Variants in BRAF observed in about 807,000 individuals in gnomAD.
BRAF encodes serine/threonine-protein kinase B-raf.
A neutral mutation model predicts 104.6 loss-of-function variants in BRAF; 16 were observed. The ratio of observed to expected loss-of-function variants is 0.15; its 90% confidence interval spans 0.10 to 0.23. The LOEUF is 0.23. Ranked by LOEUF, BRAF falls within the 10% of genes least tolerant of loss-of-function variation. The pLI, the probability that BRAF is intolerant of heterozygous loss-of-function variation, is 1.00. For synonymous variants in BRAF, 310 were observed against 341.6 expected (o/e 0.91, Z 1.02); for missense variants, 541 against 937.3 (o/e 0.58, Z 5.52).
intron 1 of BRAF, among the ~76,000 whole-genome samples, chr7:140,901,421 A>G (rs537373594): frequency 5.3e-5 from 8 of 152,300 alleles, no homozygotes; most frequent in African/African-American, 1.9e-4. Flanking sequence ...GCCGAGTGGA[A>G]AAAGGAATTA....
In BRAF at chr7:140,726,451, C is replaced by T. The variant is rs1036699230; in HGVS notation, c.*43G>A. ...TTTTGATGTTAACAAATTGTACGAA[C>T]ACAAGACTTAAGAAATAAGAGCAGA... On this transcript the variant is annotated 3_prime_UTR_variant, in exon 20 of 20. Coordinates refer to ENST00000644969, the MANE Select transcript of BRAF (RefSeq NM_001374258.1). 67 of 1,535,180 alleles carry T rather than the reference C, an allele frequency of 4.4e-5. No individual in the cohort carries two copies. Among genetic ancestry groups the T allele is most frequent in the Non-Finnish European group, 5.8e-5 (66 of 1,146,724 alleles).
rs1390903353 is a variant in BRAF, at chr7:140,924,594, G to A, written c.110C>T (p.Ser37Leu). 6.5e-7 allele frequency: 1 copy of A among 1,529,608 alleles called. No homozygotes were observed. Among genetic ancestry groups the A allele is most frequent in the East Asian group, 2.5e-5 (1 of 40,604 alleles). 94.8% of individuals were successfully genotyped at this position (1,529,608 alleles called of 1,614,324 possible). The change falls in exon 1 of 20, where the codon TCG (serine) becomes TTG (leucine). Residue 37 changes from serine (S) to leucine (L), a missense_variant. Ser to Leu is a moderately radical substitution (Grantham distance 145, BLOSUM62 -2). Transcript: ENST00000644969. This position sits in a 1 kb window ranked among gnomAD's most constrained non-coding sequence, Gnocchi z 4.2. The part of the protein sequence containing the change: ...AGAGAGAAAS[S>L]AADPAIPEEV... Reference sequence around the variant, plus strand: ...CTCCGGAATGGCAGGGTCCGCAGCCGAAGAGGCCGCGGCGCCGGCGCCGGC... The same window carrying A: ...CTCCGGAATGGCAGGGTCCGCAGCCAAAGAGGCCGCGGCGCCGGCGCCGGC...
intron 1 of BRAF, among the ~76,000 whole-genome samples, chr7:140,922,718 C>A (rs1371435479): frequency 2.0e-5 from 3 of 152,068 alleles, no homozygotes; most frequent in Non-Finnish European, 4.4e-5. Context: ...AGATGTGACC[C>A]CTAGTATTTA....
In BRAF at chr7:140,794,380, T is replaced by C. The variant is rs143335467; in HGVS notation, c.1068A>G (p.Gln356=). 1.4e-4 allele frequency: 225 copies of C among 1,614,110 alleles called. 2 individuals are homozygous for C. In the South Asian group the frequency reaches 1.6e-3, roughly 11 times the overall value. Residue 356 remains glutamine, a synonymous_variant, in exon 8 of 20, where the codon CAA becomes CAG. Transcript: ENST00000644969. ...ATGAGGATCGGTCTCGTTGCCCAAA[T>C]TGATTTCGATGATCTTCATCTGCTG... ...FRPADEDHRN[Q]FGQRDRSSSA... is the part of the protein sequence containing the mutation.
intron 1 of BRAF, among the ~76,000 whole-genome samples, chr7:140,865,609 T>C (rs186464466): frequency 2.3e-4 from 35 of 152,182 alleles, no homozygotes; most frequent in Non-Finnish European, 4.3e-4. Context: ...TGACCCTGAA[T>C]TATGTGGACT....
intron 8 of BRAF, among the ~76,000 whole-genome samples, chr7:140,788,356 TTCTC>T (rs1801607744): frequency 6.6e-6 from 1 of 152,066 alleles, no homozygotes; most frequent in African/African-American, 2.4e-5. Context: ...AAATAATTAT[TTCTC>T]TATTATAGGC....
chr7:140,782,879 A>G, intron 11 of BRAF, 142 bp downstream of exon 10: 3 of 1,092,196 alleles, frequency 2.7e-6, no homozygotes, highest in Non-Finnish European at 2.6e-6. Flanking sequence ...TTTAAGCAAA[A>G]AACTATCAGT....
Position 140,777,981 on chromosome 7 carries a change from A to G in BRAF, c.1637+10T>C. On this transcript the variant is annotated intron_variant, in intron 13 of 19. Transcript: ENST00000644969. ...CTTTCTCTGGAAAAGAGTAATTCAC[A>G]CAAGCTCACCTGAGTACTCCTACTT... The G allele has an allele frequency of 6.2e-7, 1 of 1,612,834 alleles. No homozygotes were observed. The highest frequency in any genetic ancestry group is 8.5e-7 in the Non-Finnish European group (1 of 1,179,290).
intron 3 of BRAF, among the ~76,000 whole-genome samples, chr7:140,829,173 T>C (rs370534680): frequency 3.1e-4 from 45 of 147,450 alleles, no homozygotes; most frequent in East Asian, 2.9e-3. Flanking sequence ...ATACAGACTA[T>C]TGACTCTGTT....
intron 1 of BRAF, among the ~76,000 whole-genome samples, chr7:140,870,869 CT>C (rs1295589944): frequency 7.4e-6 from 1 of 134,390 alleles, no homozygotes; most frequent in Non-Finnish European, 1.6e-5. Context: ...CCTTTTCTTA[CT>C]TAAAAAAAAA....
chr7:140,919,890 T>C (rs1818034511), intron 1 of BRAF, among the ~76,000 whole-genome samples: 1 of 151,990 alleles, frequency 6.6e-6, no homozygotes, highest in Admixed American at 6.6e-5. Context: ...GTTGCCAGGC[T>C]AGAGTGCAGT....
chr7:140,716,680 G>C (rs1795135805), downstream of BRAF, among the ~76,000 whole-genome samples: 1 of 152,180 alleles, frequency 6.6e-6, no homozygotes, highest in South Asian at 2.1e-4. Flanking sequence ...GGCAACAGAG[G>C]TCCAGTGTTA....
chr7:140,867,858 T>A (rs922811557), intron 1 of BRAF, among the ~76,000 whole-genome samples: 2 of 152,184 alleles, frequency 1.3e-5, no homozygotes, highest in African/African-American at 4.8e-5. Context: ...AACTCTGCAA[T>A]CCCCTTTCCA....
rs145035762 is a variant in BRAF, at chr7:140,783,108, T to C, written c.1347A>G (p.Ser449=). ...TCTGTAAGGCTTTCACGTTAGTTAG[T>C]GAGCCAGGTAATGAGGCAGGGGGGG... ...SATPPASLPG[S]LTNVKALQKS... Residue 449 remains serine (S), a synonymous_variant, in exon 11 of 20, where the codon TCA becomes TCG. Coordinates refer to ENST00000644969, the MANE Select transcript of BRAF (RefSeq NM_001374258.1). 3.4e-3 allele frequency: 5,414 copies of C among 1,614,086 alleles called. 19 individuals are homozygous for C. The highest frequency in any genetic ancestry group is 3.5e-3 in the Non-Finnish European group (4,157 of 1,180,000).
chr7:140,717,266 G>GGA (rs1795149838), downstream of BRAF, among the ~76,000 whole-genome samples: 1 of 152,010 alleles, frequency 6.6e-6, no homozygotes, highest in African/African-American at 2.4e-5. Flanking sequence ...GCAACTGATA[G>GGA]GAGAGGAGTT....
rs1267943198 is a variant in BRAF, at chr7:140,721,219, CTT to C, written c.*5273_*5274del. 2 of 1,084,476 alleles carry C rather than the reference CTT, an allele frequency of 1.8e-6. No individual in the cohort carries two copies. The highest frequency in any genetic ancestry group is 2.2e-6 in the Non-Finnish European group (2 of 892,540). 67.2% of individuals were successfully genotyped at this position (1,084,476 alleles called of 1,614,324 possible). A position where few individuals can be genotyped will look rare whatever the true frequency, so the allele number is the denominator to read the frequency against. ...AAAGCTGATTTAGTAATTAATAAAA[CTT>C]AACAGTTGAAGTTGTGGATGTTAAA... On this transcript the variant is annotated 3_prime_UTR_variant, in exon 20 of 20. Transcript: ENST00000644969.
intron 1 of BRAF, among the ~76,000 whole-genome samples, chr7:140,870,305 C>T (rs1811433310): frequency 6.6e-6 from 1 of 152,010 alleles, no homozygotes; most frequent in Non-Finnish European, 1.5e-5. Context: ...TTAATAATTC[C>T]TTACATGTAA....
rs550381962 is a variant in BRAF at position 140,895,113 on chromosome 7, T to A, written c.138+29453A>T. Among the ~76,000 whole-genome samples the A allele has an allele frequency of 1.5e-3, 227 of 152,052 alleles. 2 individuals are homozygous for A. The highest frequency in any genetic ancestry group is 5.0e-3 in the African/African-American group (208 of 41,476). On this transcript the variant is annotated intron_variant, in intron 1 of 19. Coordinates refer to ENST00000644969, the MANE Select transcript of BRAF (RefSeq NM_001374258.1). ...TAGGCAAACCTAATTCAACAATCAA[T>A]TAAAAGAATATACAATAAAATGTAT...
chr7:140,720,735 T>G lies in BRAF; in HGVS notation c.*5759A>C, dbSNP rs1795280275. The G allele has an allele frequency of 9.4e-7, 1 of 1,066,040 alleles. No individual in the cohort carries two copies. Among genetic ancestry groups the G allele is most frequent in the South Asian group, 4.5e-5 (1 of 21,990 alleles). 66.0% of individuals were successfully genotyped at this position (1,066,040 alleles called of 1,614,324 possible). On this transcript the variant is annotated 3_prime_UTR_variant, in exon 20 of 20. Coordinates refer to ENST00000644969, the MANE Select transcript of BRAF (RefSeq NM_001374258.1). ...GTGAGCTTTGTTGTTTATGCTAGTT[T>G]GCAGTGACTTCCAACTCATACTCCA...
Sources: allele counts gnomAD v4.1 joint callset (sites outside exome capture counted in the v4.1 genomes callset), GRCh38; gene constraint gnomAD v4.1.1; non-coding constraint Gnocchi (gnomAD v3.1); transcripts MANE v1.5; gene names NCBI Gene and HGNC (gene_info 2026-07-23, HGNC 2026-07-21).